The following DGKB variants were observed in gnomAD, a reference collection of about 807,000 sequenced individuals.
DGKB encodes the protein 90 kDa diacylglycerol kinase.
In DGKB, 67 loss-of-function variants were observed where a neutral mutation model predicts 114.3. That is an observed-to-expected ratio of 0.59 (90% CI 0.48 to 0.72). The LOEUF (loss-of-function observed/expected upper bound fraction) is 0.72, where lower values mean the gene tolerates loss of function less well. DGKB is among the 30% of genes least tolerant of loss of function. The pLI, the probability that DGKB is intolerant of heterozygous loss-of-function variation, is 0.00. For synonymous variants in DGKB, 398 were observed against 323.1 expected (o/e 1.23, Z -2.49); for missense variants, 907 against 975.2 (o/e 0.93, Z 0.93).
At chr7:14,248,466 A>T (rs1794776436) in intron 23 of DGKB, among the ~76,000 whole-genome samples, 1 of 152,034 alleles carries the variant, frequency 6.6e-6, no homozygotes, top group Non-Finnish European at 1.5e-5. Context: ...TAACAATATT[A>T]ATTCTTACGA....
intron 20 of DGKB, among the ~76,000 whole-genome samples, chr7:14,545,763 G>T (rs1212774149): frequency 1.3e-5 from 2 of 152,168 alleles, no homozygotes; most frequent in East Asian, 3.9e-4. Flanking sequence ...ATCTGACATC[G>T]TATACTGGGT....
chr7:14,912,941 A>G (rs1244245224), intron 1 of DGKB, among the ~76,000 whole-genome samples: 1 of 152,086 alleles, frequency 6.6e-6, no homozygotes, highest in Non-Finnish European at 1.5e-5. Flanking sequence ...TCACTTGTCA[A>G]AGGTAATTAT....
chr7:14,313,093 T>G (rs566953791), intron 23 of DGKB, among the ~76,000 whole-genome samples: 1 of 152,346 alleles, frequency 6.6e-6, no homozygotes, highest in East Asian at 1.9e-4. Context: ...ATATTTCACA[T>G]TGCAAGTAAC....
chr7:14,632,229 G>C (rs1459723613), intron 13 of DGKB, among the ~76,000 whole-genome samples: 3 of 151,902 alleles, frequency 2.0e-5, no homozygotes, highest in Non-Finnish European at 4.4e-5. Flanking sequence ...ATATGGACAA[G>C]ATAATGACTG....
chr7:14,489,029 C>T (rs1284343767), intron 20 of DGKB, among the ~76,000 whole-genome samples: 2 of 151,922 alleles, frequency 1.3e-5, no homozygotes, highest in Non-Finnish European at 2.9e-5. Context: ...TGTGTCTTAA[C>T]ATAGAATTAA....
intron 25 of DGKB, among the ~76,000 whole-genome samples, chr7:14,172,485 T>G (rs1781145098): frequency 6.6e-6 from 1 of 152,178 alleles, no homozygotes; most frequent in South Asian, 2.1e-4. Flanking sequence ...TATCATTATA[T>G]GGACACGTAA....
chr7:14,594,405 A>T (rs567440627), intron 17 of DGKB, among the ~76,000 whole-genome samples: 7 of 152,142 alleles, frequency 4.6e-5, no homozygotes, highest in Non-Finnish European at 8.8e-5. Flanking sequence ...ATGACTAAAC[A>T]TAGAGAATTG....
intron 1 of DGKB, among the ~76,000 whole-genome samples, chr7:14,862,568 GT>G (rs1193296658): frequency 6.6e-6 from 1 of 151,978 alleles, no homozygotes; most frequent in Admixed American, 6.6e-5. Context: ...AAGTCACACC[GT>G]TAATAAGCAA....
intron 25 of DGKB, among the ~76,000 whole-genome samples, chr7:14,166,735 G>C (rs1457143533): frequency 6.6e-6 from 1 of 152,002 alleles, no homozygotes; most frequent in Non-Finnish European, 1.5e-5. Context: ...AACCAGTGAT[G>C]AGTTTTTAGT....
chr7:14,549,262 G>A (rs1325571727), intron 20 of DGKB, among the ~76,000 whole-genome samples: 2 of 152,082 alleles, frequency 1.3e-5, no homozygotes, highest in Non-Finnish European at 2.9e-5. Context: ...GTGACATCAA[G>A]GGTGACCATA....
At chr7:14,274,421 C>T (rs1360373822) in intron 23 of DGKB, among the ~76,000 whole-genome samples, 1 of 152,130 alleles carries the variant, frequency 6.6e-6, no homozygotes, top group Admixed American at 6.5e-5. Flanking sequence ...ATCCTAGTTA[C>T]CCCAAACTCA....
chr7:14,816,006 G>C (rs1349506094), intron 2 of DGKB, among the ~76,000 whole-genome samples: 1 of 152,126 alleles, frequency 6.6e-6, no homozygotes, highest in Admixed American at 6.6e-5. Context: ...TATCTCTGTA[G>C]AGAGTAACCA....
chr7:14,721,346 T>C (rs1267991900), intron 5 of DGKB, among the ~76,000 whole-genome samples: 1 of 152,202 alleles, frequency 6.6e-6, no homozygotes, highest in Non-Finnish European at 1.5e-5. Context: ...ATGTAATGTA[T>C]AAATCGAGTA....
chr7:14,959,256 G>C (rs753771371), intron 1 of DGKB, among the ~76,000 whole-genome samples: 12 of 151,110 alleles, frequency 7.9e-5, no homozygotes, highest in Non-Finnish European at 1.5e-4. Flanking sequence ...GTACTTTATA[G>C]TTTTTTTTCA....
At chr7:14,152,485 A>G (rs1034460230) in intron 25 of DGKB, among the ~76,000 whole-genome samples, 2 of 152,040 alleles carry the variant, frequency 1.3e-5, no homozygotes, top group African/African-American at 2.4e-5. Flanking sequence ...GGTAAATTCT[A>G]TCAGATACAG....
chr7:14,727,893 C>A (rs1422091626), intron 5 of DGKB, among the ~76,000 whole-genome samples: 1 of 152,142 alleles, frequency 6.6e-6, no homozygotes, highest in African/African-American at 2.4e-5. Flanking sequence ...TGAAGTATAC[C>A]TTTCAGCAAG....
At chr7:14,538,605 A>G (rs1246831765) in intron 20 of DGKB, among the ~76,000 whole-genome samples, 2 of 152,178 alleles carry the variant, frequency 1.3e-5, no homozygotes, top group Admixed American at 6.5e-5. Flanking sequence ...TTGAACTACC[A>G]TATGTTCTAG....
chr7:14,324,446 C>CAA lies in DGKB; in HGVS notation c.2122+14067_2122+14068dup, dbSNP rs5882440. Among the ~76,000 whole-genome samples the CAA allele has an allele frequency of 6.5e-3, 774 of 118,440 alleles. 8 individuals are homozygous for CAA. The highest frequency in any genetic ancestry group is 0.015 in the African/African-American group (434 of 29,692). The allele number at this position is 118,440 out of a possible 152,430, so 77.7% of individuals were successfully genotyped here. On this transcript the variant is annotated intron_variant, in intron 23 of 25. Transcript: ENST00000402815. ...TGGGTGACAGAGTGAGACTCTGTCT[C>CAA]AAAAAAAAAAAAAAAAGAAAGAATG...
chr7:14,403,445 A>G (rs1439034006), intron 21 of DGKB, among the ~76,000 whole-genome samples: 1 of 151,958 alleles, frequency 6.6e-6, no homozygotes, highest in Non-Finnish European at 1.5e-5. Context: ...ATCAGCAACG[A>G]ACATTCAATT....
Sources: allele counts gnomAD v4.1 joint callset (sites outside exome capture counted in the v4.1 genomes callset), GRCh38; gene constraint gnomAD v4.1.1; transcripts MANE v1.5; gene names NCBI Gene and HGNC (gene_info 2026-07-23, HGNC 2026-07-21).